The following ADAMTSL1 variants were observed in gnomAD, a reference collection of about 807,000 sequenced individuals.
The protein encoded by ADAMTSL1 is ADAMTS like 1, also known as ADAMTS-like protein 1.
A neutral mutation model predicts 201.8 loss-of-function variants in ADAMTSL1; 126 were observed. The ratio of observed to expected loss-of-function variants is 0.62; its 90% CI spans 0.54 to 0.72. ADAMTSL1 has a LOEUF of 0.72. ADAMTSL1 is among the 30% of genes least tolerant of loss of function. The probability of loss-of-function intolerance (pLI) is 0.00; values close to 1 mark genes in which losing one functional copy is unlikely to be tolerated. For synonymous variants in ADAMTSL1, 1,121 were observed against 903.4 expected (o/e 1.24, Z -4.32); for missense variants, 2,679 against 2,277.8 (o/e 1.18, Z -3.59).
chr9:18,013,351 G>A (rs1057089570), intron 1 of ADAMTSL1, among the ~76,000 whole-genome samples: 2 of 151,992 alleles, frequency 1.3e-5, no homozygotes, highest in African/African-American at 4.8e-5. Context: ...AGGATATCTA[G>A]ATTTCAAAAC....
At chr9:18,364,386 G>C (rs1447409435) in intron 2 of ADAMTSL1, among the ~76,000 whole-genome samples, 1 of 152,090 alleles carries the variant, frequency 6.6e-6, no homozygotes, top group African/African-American at 2.4e-5. Flanking sequence ...CGACAATTTT[G>C]GTTAAATTGT....
intron 3 of ADAMTSL1, among the ~76,000 whole-genome samples, chr9:18,563,331 G>T (rs35140301): frequency 1.1e-4 from 16 of 152,128 alleles, no homozygotes; most frequent in Non-Finnish European, 2.1e-4. Flanking sequence ...CCTGGGTATC[G>T]GCAGCGGAGG....
At chr9:18,299,063 A>G (rs1833595722) in intron 2 of ADAMTSL1, among the ~76,000 whole-genome samples, 1 of 152,022 alleles carries the variant, frequency 6.6e-6, no homozygotes, top group Admixed American at 6.6e-5. Context: ...TTTGCTAAGC[A>G]ACATGTATAC....
At chr9:18,125,281 G>A (rs1035585737) in intron 1 of ADAMTSL1, among the ~76,000 whole-genome samples, 1 of 152,088 alleles carries the variant, frequency 6.6e-6, no homozygotes, top group Non-Finnish European at 1.5e-5. Context: ...CAGATCTGGT[G>A]AGACTCATTC....
intron 1 of ADAMTSL1, among the ~76,000 whole-genome samples, chr9:18,108,813 A>C (rs1824876566): frequency 6.6e-6 from 1 of 151,712 alleles, no homozygotes; most frequent in Admixed American, 6.6e-5. Context: ...TTATTTATCT[A>C]TTTTAAGTGA....
intron 7 of ADAMTSL1, among the ~76,000 whole-genome samples, chr9:18,656,071 CT>C (rs1212961660): frequency 6.6e-6 from 1 of 151,972 alleles, no homozygotes; most frequent in Non-Finnish European, 1.5e-5. Flanking sequence ...ATGAGACATT[CT>C]GTAGGGTTTC....
At chr9:18,119,332 A>C (rs1030950042) in intron 1 of ADAMTSL1, among the ~76,000 whole-genome samples, 2 of 151,960 alleles carry the variant, frequency 1.3e-5, no homozygotes, top group East Asian at 1.9e-4. Flanking sequence ...TCTCTCTGCC[A>C]CCCAGGCTGG....
At chr9:18,361,272 TAAAGA>T (rs1173216951) in intron 2 of ADAMTSL1, among the ~76,000 whole-genome samples, 5 of 152,058 alleles carry the variant, frequency 3.3e-5, no homozygotes, top group South Asian at 2.1e-4. Context: ...ATTTGGAAAA[TAAAGA>T]AAAGAACAGA....
intron 4 of ADAMTSL1, among the ~76,000 whole-genome samples, chr9:18,590,042 T>C (rs1823805697): frequency 6.6e-6 from 1 of 152,110 alleles, no homozygotes; most frequent in African/African-American, 2.4e-5. Flanking sequence ...GGTTATGTCT[T>C]TGTCTGGTTT....
chr9:18,600,650 G>A (rs1360354683), intron 4 of ADAMTSL1, among the ~76,000 whole-genome samples: 26 of 152,090 alleles, frequency 1.7e-4, no homozygotes, highest in Admixed American at 1.6e-3. Context: ...ATCTAGCTCA[G>A]GATCAGCTCT....
rs1825221182 is a variant in ADAMTSL1 at position 18,609,214 on chromosome 9, C to T, written c.475-13029C>T. On this transcript the variant is annotated intron_variant, in intron 4 of 28. Transcript: ENST00000380548. ...GGTTCCTGAATTAACTCTGAAAAAT[C>T]AGTAGTCCTGGAGTTGGAGAGCTAA... is the stretch of plus-strand genomic sequence containing the variant. Among the ~76,000 whole-genome samples, 3 of 152,160 alleles carry T rather than the reference C, an allele frequency of 2.0e-5. 1 individual carries two copies. Among genetic ancestry groups the T allele is most frequent in the Non-Finnish European group, 4.4e-5 (3 of 68,034 alleles).
chr9:18,822,587 G>C (rs1824276204), intron 21 of ADAMTSL1, among the ~76,000 whole-genome samples: 1 of 152,078 alleles, frequency 6.6e-6, no homozygotes, highest in African/African-American at 2.4e-5. Context: ...TAGGGAACTG[G>C]GGGGAACAGA....
At chr9:18,251,078 C>T (rs1401415620) in intron 2 of ADAMTSL1, among the ~76,000 whole-genome samples, 2 of 151,548 alleles carry the variant, frequency 1.3e-5, no homozygotes, top group South Asian at 2.1e-4. Context: ...AATTAGGGTA[C>T]CAAAATTTAA....
chr9:18,649,985 C>A (rs1210869752), intron 7 of ADAMTSL1, among the ~76,000 whole-genome samples: 5 of 152,182 alleles, frequency 3.3e-5, no homozygotes, highest in Admixed American at 3.3e-4. Flanking sequence ...CTGTGCCCTG[C>A]CATCAGAGGT....
intron 19 of ADAMTSL1, among the ~76,000 whole-genome samples, chr9:18,778,844 C>A (rs938533060): frequency 6.6e-6 from 1 of 152,208 alleles, no homozygotes; most frequent in Non-Finnish European, 1.5e-5. Flanking sequence ...AAAAGAACTT[C>A]CTTATGGGTA....
intron 2 of ADAMTSL1, among the ~76,000 whole-genome samples, chr9:18,250,603 C>T (rs1005259640): frequency 6.6e-5 from 10 of 152,058 alleles, no homozygotes; most frequent in Non-Finnish European, 1.0e-4. Flanking sequence ...TCCTCAGCTA[C>T]GGAGTTGATC....
At chr9:18,009,597 A>G (rs1819969951) in intron 1 of ADAMTSL1, among the ~76,000 whole-genome samples, 1 of 151,990 alleles carries the variant, frequency 6.6e-6, no homozygotes, top group Admixed American at 6.6e-5. Flanking sequence ...TGGTTTTCAG[A>G]CTTGTTAAAA....
At chr9:18,175,127 G>A (rs1828082578) in intron 2 of ADAMTSL1, among the ~76,000 whole-genome samples, 2 of 152,178 alleles carry the variant, frequency 1.3e-5, no homozygotes, top group African/African-American at 2.4e-5. Flanking sequence ...GGGTTGTGTT[G>A]TTGGGTTGAA....
intron 3 of ADAMTSL1, among the ~76,000 whole-genome samples, chr9:18,564,452 A>G (rs1383008228): frequency 2.6e-5 from 4 of 152,164 alleles, no homozygotes; most frequent in African/African-American, 9.7e-5. Context: ...AGCTGTTCCT[A>G]TTCTGCCATC....
Sources: gnomAD v4.1 joint callset for allele counts (sites outside exome capture counted in the v4.1 genomes callset) on GRCh38, gnomAD v4.1.1 for gene constraint, MANE v1.5 for transcripts, NCBI Gene and HGNC (gene_info 2026-07-23, HGNC 2026-07-21) for gene names.